ANAPC10: variants seen among roughly 807,000 people sequenced by gnomAD.
ANAPC10 encodes anaphase-promoting complex subunit 10.
A neutral mutation model predicts 22.0 loss-of-function variants in ANAPC10; 12 were observed. The ratio of observed to expected loss-of-function variants is 0.55; its 90% CI spans 0.35 to 0.88. The LOEUF (loss-of-function observed/expected upper bound fraction) is 0.88, where lower values mean the gene tolerates loss of function less well. Among genes scored for constraint, ANAPC10 ranks in the 40% least tolerant of loss-of-function variants. The pLI, the probability that ANAPC10 is intolerant of heterozygous loss-of-function variation, is 0.01. For missense variants in ANAPC10, 188 were observed against 220.9 expected (o/e 0.85, Z 0.94); for synonymous variants, 65 against 69.5 (o/e 0.94, Z 0.32).
chr4:145,015,140 C>T (rs567129173), intron 4 of ANAPC10, among the ~76,000 whole-genome samples: 18 of 151,860 alleles, frequency 1.2e-4, no homozygotes, highest in African/African-American at 3.4e-4. Flanking sequence ...TAAGCTATTT[C>T]GAGAGGCACC....
chr4:145,038,518 A>G (rs1034986468), intron 4 of ANAPC10, among the ~76,000 whole-genome samples: 1 of 152,074 alleles, frequency 6.6e-6, no homozygotes, highest in Admixed American at 6.6e-5. Context: ...GTCTCAAAGA[A>G]AAAAAAGAAG....
intron 4 of ANAPC10, 117 bp downstream of exon 4, chr4:145,064,455 A>G (rs1743377455): frequency 1.3e-6 from 1 of 757,754 alleles, no homozygotes; most frequent in Non-Finnish European, 1.9e-6. Flanking sequence ...TGTTTTCTCC[A>G]ATATTTTTCT....
At chr4:145,051,744 C>T (rs1047035053) in intron 4 of ANAPC10, among the ~76,000 whole-genome samples, 6 of 151,972 alleles carry the variant, frequency 3.9e-5, no homozygotes, top group African/African-American at 1.5e-4. Flanking sequence ...TGTAAAGAGA[C>T]ATTCTATATA....
chr4:145,015,984 T>C (rs1348779074), intron 4 of ANAPC10, among the ~76,000 whole-genome samples: 1 of 152,116 alleles, frequency 6.6e-6, no homozygotes, highest in African/African-American at 2.4e-5. Flanking sequence ...ACAGAACCTC[T>C]TTAAAGCACA....
chr4:145,022,655 T>A lies in ANAPC10; in HGVS notation c.328-27052A>T, dbSNP rs72718268. Among the ~76,000 whole-genome samples the A allele has an allele frequency of 3.9e-3, 596 of 151,206 alleles. 3 individuals are homozygous for A. Among genetic ancestry groups the A allele is most frequent in the African/African-American group, 7.0e-3 (287 of 41,260 alleles). On this transcript the variant is annotated intron_variant, in intron 4 of 4. Coordinates refer to ENST00000507656, the MANE Select transcript of ANAPC10 (RefSeq NM_001256706.2). The stretch of plus-strand genomic sequence containing the variant: ...CTGTACTCCAATAACCTATGGAAAA[T>A]TTTTTTTTAATTAAAAAGCATATAT...
At chr4:145,089,513 A>C (rs532451988) in intron 2 of ANAPC10, among the ~76,000 whole-genome samples, 15 of 152,282 alleles carry the variant, frequency 9.9e-5, no homozygotes, top group African/African-American at 3.4e-4. Context: ...ATACGGTAGC[A>C]GTCATAACAC....
At chr4:145,024,961 G>A (rs1424111420) in intron 4 of ANAPC10, among the ~76,000 whole-genome samples, 1 of 152,112 alleles carries the variant, frequency 6.6e-6, no homozygotes, top group Non-Finnish European at 1.5e-5. Context: ...GCCAGATCTG[G>A]GTAACTTGCT....
intron 4 of ANAPC10, among the ~76,000 whole-genome samples, chr4:145,016,479 A>C (rs1211234212): frequency 2.0e-5 from 3 of 152,352 alleles, no homozygotes; most frequent in East Asian, 3.9e-4. Context: ...GAGGACACAA[A>C]CAAATGGAAG....
chr4:144,995,487 T>C lies in ANAPC10; in HGVS notation c.444A>G (p.Gly148=). ...TAATTTGTCTCATATGGGTGTCTCTTCCATTCTGGTGATTGGCTAGAACAG... is the reference window on the plus strand; with the variant it reads ...TAATTTGTCTCATATGGGTGTCTCTCCCATTCTGGTGATTGGCTAGAACAG... The part of the protein sequence containing the change: ...QIAVLANHQN[G]RDTHMRQIKI... Residue 148 remains glycine, a synonymous_variant, in exon 5 of 5, where the codon GGA becomes GGG. Coordinates refer to ENST00000507656, the MANE Select transcript of ANAPC10 (RefSeq NM_001256706.2). The C allele has an allele frequency of 6.2e-7, 1 of 1,613,854 alleles. No homozygotes were observed. The highest frequency in any genetic ancestry group is 8.5e-7 in the Non-Finnish European group (1 of 1,179,810).
intron 4 of ANAPC10, among the ~76,000 whole-genome samples, chr4:145,012,172 G>GTA (rs1358693016): frequency 5.6e-5 from 6 of 108,006 alleles, no homozygotes; most frequent in East Asian, 3.8e-4. Flanking sequence ...ATATGTGTGT[G>GTA]TGTGTATATA....
intron 4 of ANAPC10, among the ~76,000 whole-genome samples, chr4:145,040,228 G>T (rs960276295): frequency 1.3e-5 from 2 of 151,504 alleles, no homozygotes; most frequent in Non-Finnish European, 2.9e-5. Context: ...TGGGCTCACC[G>T]CACCTCTGCC....
chr4:145,084,991 C>T (rs1746649832), intron 2 of ANAPC10, among the ~76,000 whole-genome samples: 1 of 152,168 alleles, frequency 6.6e-6, no homozygotes, highest in Admixed American at 6.5e-5. Context: ...AGTCATGCTT[C>T]AAATCATGCT....
At chr4:145,034,061 G>T (rs1463840460) in intron 4 of ANAPC10, among the ~76,000 whole-genome samples, 1 of 152,154 alleles carries the variant, frequency 6.6e-6, no homozygotes, top group African/African-American at 2.4e-5. Flanking sequence ...GCATAATTAT[G>T]ACCCAATATT....
intron 4 of ANAPC10, among the ~76,000 whole-genome samples, chr4:145,055,606 T>C (rs1338237425): frequency 6.6e-6 from 1 of 151,844 alleles, no homozygotes; most frequent in East Asian, 1.9e-4. Flanking sequence ...TCCTGTCACA[T>C]GATACAACAT....
chr4:145,095,754 TATTA>T (rs1321932306), intron 2 of ANAPC10, among the ~76,000 whole-genome samples: 1 of 152,220 alleles, frequency 6.6e-6, no homozygotes, highest in East Asian at 1.9e-4. Context: ...TCTATTTTAT[TATTA>T]ATTATTGTTA....
chr4:145,053,809 G>T, intron 4 of ANAPC10: 2 of 632,902 alleles, frequency 3.2e-6, no homozygotes, highest in South Asian at 1.8e-5. Flanking sequence ...TCCTGACTAG[G>T]CTCACCTCTA....
At chr4:145,033,865 T>C (rs989443735) in intron 4 of ANAPC10, among the ~76,000 whole-genome samples, 2 of 152,218 alleles carry the variant, frequency 1.3e-5, no homozygotes, top group Non-Finnish European at 2.9e-5. Context: ...TAAAAACATG[T>C]TTATGCATGT....
At chr4:145,048,323 T>C (rs1231568919) in intron 4 of ANAPC10, among the ~76,000 whole-genome samples, 1 of 152,092 alleles carries the variant, frequency 6.6e-6, no homozygotes, top group Non-Finnish European at 1.5e-5. Flanking sequence ...TGAAAAGAAA[T>C]ATGCCATAAT....
intron 4 of ANAPC10, among the ~76,000 whole-genome samples, chr4:145,034,419 T>G (rs1738125542): frequency 6.6e-6 from 1 of 151,684 alleles, no homozygotes. Context: ...GACTGCAAGT[T>G]CTTTAGTTTT....
Sources: allele counts gnomAD v4.1 joint callset (sites outside exome capture counted in the v4.1 genomes callset), GRCh38; gene constraint gnomAD v4.1.1; transcripts MANE v1.5; gene names NCBI Gene and HGNC (gene_info 2026-07-23, HGNC 2026-07-21).